The following AGAP1 variants were observed in gnomAD, a reference collection of about 807,000 sequenced individuals.
AGAP1 encodes arf-GAP with GTPase, ANK repeat and PH domain-containing protein 1.
Under a neutral mutation model 105.3 loss-of-function variants are expected in AGAP1, and 29 were observed. The ratio of observed to expected loss-of-function variants is 0.28; its 90% CI spans 0.21 to 0.38. The LOEUF is 0.38. Among genes scored for constraint, AGAP1 ranks in the 10% least tolerant of loss-of-function variants. The pLI is 1.00. For synonymous variants in AGAP1, 509 were observed against 485.9 expected, an observed-to-expected ratio of 1.05 and a Z score of -0.63; for missense variants, 998 against 1,165.1, an observed-to-expected ratio of 0.86 and a Z score of 2.09.
At chr2:235,823,843 C>G (rs2106303355) in intron 9 of AGAP1, among the ~76,000 whole-genome samples, 1 of 152,154 alleles carries the variant, frequency 6.6e-6, no homozygotes, top group East Asian at 1.9e-4. Context: ...CATGACCATC[C>G]TTTGTGTGTT....
chr2:235,994,746 ATTTC>A lies in AGAP1; in HGVS notation c.1645+26131_1645+26134del, dbSNP rs1179149195. Among the ~76,000 whole-genome samples the A allele has an allele frequency of 1.5e-4, 23 of 151,694 alleles. No homozygotes were observed. Among genetic ancestry groups the A allele is most frequent in the African/African-American group, 5.3e-4 (22 of 41,374 alleles). On this transcript the variant is annotated intron_variant, in intron 13 of 17. Coordinates refer to ENST00000304032, the MANE Select transcript of AGAP1 (RefSeq NM_001037131.3). The surrounding 1 kb of genome is among the most constrained non-coding windows in gnomAD (Gnocchi z 4.4). ...GCTTCTCAGGGGAAGAGCATGATGA[ATTTC>A]TTTCTTTTTTTTTTTTTAAACTAAA...
intron 1 of AGAP1, among the ~76,000 whole-genome samples, chr2:235,531,846 C>T (rs534719950): frequency 1.4e-4 from 16 of 117,754 alleles, no homozygotes; most frequent in African/African-American, 4.7e-4. Flanking sequence ...TCCTGACCTT[C>T]GTTGATCCAT....
In AGAP1 at chr2:235,535,136, G is replaced by T. The variant is rs570540866; in HGVS notation, c.163+40287G>T. Among the ~76,000 whole-genome samples, 3 of 152,278 alleles carry T rather than the reference G, an allele frequency of 2.0e-5. No homozygotes were observed. The South Asian group carries it at 6.2e-4, about 32-fold the overall frequency. ...CCAGGGCCAATACTTATCCGCAGGG[G>T]TGTGTGCCAGGCAGCCCAGGTCAGC... On this transcript the variant is annotated intron_variant, in intron 1 of 17. Transcript: ENST00000304032. This position sits in a 1 kb window ranked among gnomAD's most constrained non-coding sequence, Gnocchi z 5.1.
At chr2:235,497,916 A>C (rs755513513) in intron 1 of AGAP1, among the ~76,000 whole-genome samples, 19 of 151,992 alleles carry the variant, frequency 1.3e-4, no homozygotes, top group Admixed American at 7.2e-4. Flanking sequence ...TAACGTTATG[A>C]AGAGCTTTTG....
chr2:235,496,592 C>T (rs997887998), intron 1 of AGAP1, among the ~76,000 whole-genome samples: 1 of 152,208 alleles, frequency 6.6e-6, no homozygotes, highest in Non-Finnish European at 1.5e-5. Context: ...TTGAAGGCAC[C>T]TGGCTGAGAG....
intron 13 of AGAP1, among the ~76,000 whole-genome samples, chr2:236,006,154 GATTATTCC>G (rs111834287): frequency 0.25 from 37,769 of 151,870 alleles, 5,642 homozygotes; most frequent in South Asian, 0.46. Flanking sequence ...CTGTGGCCCA[GATTATTCC>G]ACCCGTGGCT....
rs192015198 is a variant in AGAP1, at chr2:235,690,808, A to G, written c.164-18371A>G. 1.3e-5 allele frequency among the ~76,000 whole-genome samples: 2 copies of G among 152,114 alleles called. No individual in the cohort carries two copies. The highest frequency in any genetic ancestry group is 1.3e-4 in the Admixed American group (2 of 15,280). ...AAGTCATTGTGTTTCTTCTTGATTT[A>G]TTTATTTTTTTCTCCAGTCTAGTCA... On this transcript the variant is annotated intron_variant, in intron 1 of 17. Coordinates refer to ENST00000304032, the MANE Select transcript of AGAP1 (RefSeq NM_001037131.3). The surrounding 1 kb of genome is among the most constrained non-coding windows in gnomAD (Gnocchi z 4.1).
At chr2:235,880,875 GACTGCCC>G (rs1559600684) in intron 9 of AGAP1, among the ~76,000 whole-genome samples, 1 of 152,218 alleles carries the variant, frequency 6.6e-6, no homozygotes, top group Non-Finnish European at 1.5e-5. Context: ...CGCTGATGGT[GACTGCCC>G]TTCTCTAATT....
At chr2:236,112,330 C>A (rs1401172235) in intron 16 of AGAP1, among the ~76,000 whole-genome samples, 1 of 151,822 alleles carries the variant, frequency 6.6e-6, no homozygotes, top group Non-Finnish European at 1.5e-5. Flanking sequence ...GCAGGAGAAT[C>A]GCTTGAACCC....
At chr2:235,897,022 G>A (rs912490595) in intron 10 of AGAP1, among the ~76,000 whole-genome samples, 23 of 152,196 alleles carry the variant, frequency 1.5e-4, no homozygotes, top group Non-Finnish European at 8.8e-5. Context: ...TGGAAGCAGG[G>A]TGAGACTGGA....
chr2:235,678,505 C>T (rs936272783), intron 1 of AGAP1, among the ~76,000 whole-genome samples: 18 of 152,182 alleles, frequency 1.2e-4, no homozygotes, highest in African/African-American at 4.1e-4. Context: ...TCACTGGAGG[C>T]ACCCAGACTC....
At chr2:235,558,543 C>T (rs900436543) in intron 1 of AGAP1, among the ~76,000 whole-genome samples, 9 of 152,122 alleles carry the variant, frequency 5.9e-5, no homozygotes, top group Admixed American at 1.3e-4. Flanking sequence ...GCTTTAACCC[C>T]GCTACCCTCC....
Position 235,663,719 on chromosome 2 carries a change from C to G in AGAP1, c.164-45460C>G, listed in dbSNP as rs1265922950. ...TTTAGGTCATTGTTCTCTGACAGTT[C>G]GTGATATTCGTTCCTACTCCAGGAA... On this transcript the variant is annotated intron_variant, in intron 1 of 17. Transcript: ENST00000304032. This position sits in a 1 kb window ranked among gnomAD's most constrained non-coding sequence, Gnocchi z 5.4. 1.3e-5 allele frequency among the ~76,000 whole-genome samples: 2 copies of G among 152,120 alleles called. No homozygotes were observed. Among genetic ancestry groups the G allele is most frequent in the Non-Finnish European group, 1.5e-5 (1 of 68,022 alleles).
At chr2:235,668,851 G>A (rs1417758054) in intron 1 of AGAP1, among the ~76,000 whole-genome samples, 2 of 152,126 alleles carry the variant, frequency 1.3e-5, no homozygotes, top group Non-Finnish European at 2.9e-5. Flanking sequence ...GCTTTTATTG[G>A]CACCCCTGTT....
At position 235,559,556 on chromosome 2, in the gene AGAP1, T is replaced by TA. The variant is rs1229769363; in HGVS notation, c.163+64710dup. On this transcript the variant is annotated intron_variant, in intron 1 of 17. Coordinates refer to ENST00000304032, the MANE Select transcript of AGAP1 (RefSeq NM_001037131.3). The surrounding 1 kb of genome is among the most constrained non-coding windows in gnomAD (Gnocchi z 5.7). ...AAAATTAGCACAGGAAATAGAAAGC[T>TA]AAAGGATATCCCTCATGATCCCTCA... Among the ~76,000 whole-genome samples, 2 of 152,162 alleles carry TA rather than the reference T, an allele frequency of 1.3e-5. No individual in the cohort carries two copies. Among genetic ancestry groups the TA allele is most frequent in the African/African-American group, 2.4e-5 (1 of 41,436 alleles).
rs1417664167 is a variant in AGAP1 at position 235,893,519 on chromosome 2, C to T, written c.1155+10070C>T. ...GTTTGTGGCGTGGGTGTGGCATGTC[C>T]ACGAGGGTGCACCATGTCTGTGGTG... On this transcript the variant is annotated intron_variant, in intron 10 of 17. Transcript: ENST00000304032. The surrounding 1 kb of genome is among the most constrained non-coding windows in gnomAD (Gnocchi z 4.7). 2.0e-5 allele frequency among the ~76,000 whole-genome samples: 3 copies of T among 147,688 alleles called. No homozygotes were observed. In the East Asian group the frequency reaches 6.3e-4, roughly 31 times the overall value.
Position 235,961,474 on chromosome 2 carries a change from G to A in AGAP1, c.1484-6988G>A, listed in dbSNP as rs1283262279. Among the ~76,000 whole-genome samples, 1 of 152,228 alleles carries A rather than the reference G, an allele frequency of 6.6e-6. No individual in the cohort carries two copies. The highest frequency in any genetic ancestry group is 6.5e-5 in the Admixed American group (1 of 15,294). Reference sequence around the variant, plus strand: ...CAGCAAGGACACACCAGTGGTTGGTGGGATGTGAGCGGGACTGGAGTGAGG... The same window carrying A: ...CAGCAAGGACACACCAGTGGTTGGTAGGATGTGAGCGGGACTGGAGTGAGG... On this transcript the variant is annotated intron_variant, in intron 12 of 17. Transcript: ENST00000304032. This position sits in a 1 kb window ranked among gnomAD's most constrained non-coding sequence, Gnocchi z 5.9.
chr2:235,780,604 C>A (rs143393870), intron 6 of AGAP1, among the ~76,000 whole-genome samples: 1 of 152,004 alleles, frequency 6.6e-6, no homozygotes. Flanking sequence ...AGCTGTGCAA[C>A]GGTGTAGCTA....
chr2:235,615,197 G>A lies in AGAP1; in HGVS notation c.164-93982G>A, dbSNP rs1405500426. 1.3e-5 allele frequency among the ~76,000 whole-genome samples: 2 copies of A among 152,218 alleles called. No individual in the cohort carries two copies. Among genetic ancestry groups the A allele is most frequent in the Non-Finnish European group, 2.9e-5 (2 of 68,040 alleles). On this transcript the variant is annotated intron_variant, in intron 1 of 17. Transcript: ENST00000304032. This position sits in a 1 kb window ranked among gnomAD's most constrained non-coding sequence, Gnocchi z 5.0. ...GTGTTGTCACTTCCACTGCCAGCCA[G>A]CTTGCACGGTCCAGGGACGTCCCCA...
Sources: gnomAD v4.1 joint callset for allele counts (sites outside exome capture counted in the v4.1 genomes callset) on GRCh38, gnomAD v4.1.1 for gene constraint, Gnocchi (gnomAD v3.1) non-coding constraint, MANE v1.5 for transcripts, NCBI Gene and HGNC (gene_info 2026-07-23, HGNC 2026-07-21) for gene names.